NLGN4X: variants seen among roughly 807,000 people sequenced by gnomAD.
The protein encoded by NLGN4X is neuroligin 4 X-linked, also known as neuroligin-4, X-linked.
In NLGN4X, 3 loss-of-function variants were observed where a neutral mutation model predicts 40.3. The observed-to-expected ratio is 0.07, with a 90% CI of 0.03 to 0.19. NLGN4X has a LOEUF of 0.19. Ranked by LOEUF, NLGN4X falls within the 10% of genes least tolerant of loss-of-function variation. The pLI is 1.00. For synonymous variants in NLGN4X, 270 were observed against 306.8 expected (o/e 0.88, Z 1.25); for missense variants, 382 against 708.3 (o/e 0.54, Z 5.23).
intron 2 of NLGN4X, among the ~76,000 whole-genome samples, chrX:6,102,671 CATAG>C (rs1193319250): frequency 9.1e-6 from 1 of 109,901 alleles, no homozygotes; most frequent in Non-Finnish European, 1.9e-5. Flanking sequence ...TACATACATA[CATAG>C]ACAGATAGAT....
intron 4 of NLGN4X, among the ~76,000 whole-genome samples, chrX:5,908,347 T>C (rs937099157): frequency 2.7e-5 from 3 of 110,888 alleles, no homozygotes; most frequent in Non-Finnish European, 5.7e-5. Flanking sequence ...AAAGAATTAA[T>C]ATGAATTAGA....
At chrX:6,164,382 G>A (rs1290886912) in intron 1 of NLGN4X, among the ~76,000 whole-genome samples, 1 of 112,317 alleles carries the variant, frequency 8.9e-6, no homozygotes, top group Non-Finnish European at 1.9e-5. Context: ...GAAGCTGAGT[G>A]AGTTCTTCTA....
At chrX:5,973,081 G>GA (rs1290990764) in intron 3 of NLGN4X, among the ~76,000 whole-genome samples, 3 of 112,123 alleles carry the variant, frequency 2.7e-5, no homozygotes, top group Non-Finnish European at 3.8e-5. Flanking sequence ...TAATTAACAG[G>GA]AAAAAAATAC....
chrX:5,919,551 G>A (rs1046008848), intron 3 of NLGN4X, among the ~76,000 whole-genome samples: 4 of 111,316 alleles, frequency 3.6e-5, no homozygotes, highest in African/African-American at 6.5e-5. Flanking sequence ...GTGGGCAAGC[G>A]AGGGAAGCTT....
chrX:5,965,695 T>A (rs1243055109), intron 3 of NLGN4X, among the ~76,000 whole-genome samples: 1 of 111,908 alleles, frequency 8.9e-6, no homozygotes, highest in Non-Finnish European at 1.9e-5. Flanking sequence ...GATAGGCATA[T>A]TCTCATTGGA....
At chrX:6,062,953 G>A (rs1448784107) in intron 2 of NLGN4X, among the ~76,000 whole-genome samples, 1 of 110,872 alleles carries the variant, frequency 9.0e-6, no homozygotes, top group Non-Finnish European at 1.9e-5. Context: ...GAACAGGGAT[G>A]TTCCTACCCC....
At chrX:5,918,579 G>T (rs1339360423) in intron 3 of NLGN4X, among the ~76,000 whole-genome samples, 1 of 112,311 alleles carries the variant, frequency 8.9e-6, no homozygotes, top group Non-Finnish European at 1.9e-5. Flanking sequence ...TGTACCTTAA[G>T]CTACACACTA....
chrX:5,926,712 T>C (rs2033331733), intron 3 of NLGN4X, among the ~76,000 whole-genome samples: 1 of 109,320 alleles, frequency 9.1e-6, no homozygotes, highest in African/African-American at 3.3e-5. Context: ...GTTTTTATTG[T>C]TTCTTTGTTT....
At chrX:6,227,700 C>G (rs1425012589) in intron 1 of NLGN4X, 1 of 111,360 alleles carries the variant, frequency 9.0e-6, no homozygotes, top group Admixed American at 9.5e-5. Context: ...GTCATTTCAT[C>G]TTCACGCGGG....
rs189555334 is a variant in NLGN4X at position 5,890,975 on chromosome X, G to T, written c.*1842C>A. The T allele has an allele frequency of 9.5e-4, 291 of 307,350 alleles. No homozygotes were observed. Among genetic ancestry groups the T allele is most frequent in the Middle Eastern group, 6.5e-3 (6 of 922 alleles). 25.3% of individuals were successfully genotyped at this position (307,350 alleles called of 1,213,427 possible). On this transcript the variant is annotated 3_prime_UTR_variant, in exon 6 of 6. Transcript: ENST00000381095. ...TATGGGGAATGTCCACTTTAGCGGA[G>T]AGATTTAAGACTGGATTTCTAGAAT...
At chrX:6,209,505 C>T (rs147633465) in intron 1 of NLGN4X, among the ~76,000 whole-genome samples, 294 of 111,769 alleles carry the variant, frequency 2.6e-3, no homozygotes, top group Non-Finnish European at 4.5e-3. Context: ...CCAGCCTCAA[C>T]GTCAAGAGCA....
chrX:5,890,762 G>A lies in NLGN4X; in HGVS notation c.*2055C>T. ...ATAATATTTCACATATTTATATACAGAGAATCACTCTCAAATTTAACCCAA... is the reference window on the plus strand; with the variant it reads ...ATAATATTTCACATATTTATATACAAAGAATCACTCTCAAATTTAACCCAA... On this transcript the variant is annotated 3_prime_UTR_variant, in exon 6 of 6. Transcript: ENST00000381095. 1 of 299,937 alleles carries A rather than the reference G, an allele frequency of 3.3e-6. No homozygotes were observed. The highest frequency in any genetic ancestry group is 6.3e-6 in the Non-Finnish European group (1 of 157,897). The allele number at this position is 299,937 out of a possible 1,213,427, so 24.7% of individuals were successfully genotyped here.
At chrX:6,026,718 G>C (rs2036704775) in intron 3 of NLGN4X, among the ~76,000 whole-genome samples, 2 of 111,661 alleles carry the variant, frequency 1.8e-5, no homozygotes, top group South Asian at 3.7e-4. Flanking sequence ...GACCGGCATA[G>C]AGATGCTAAA....
chrX:6,082,961 T>TTG (rs2038398412), intron 2 of NLGN4X, among the ~76,000 whole-genome samples: 1 of 86,261 alleles, frequency 1.2e-5, no homozygotes, highest in Non-Finnish European at 2.3e-5. Context: ...TTTTTCTTTT[T>TTG]TTTTTTTTTT....
chrX:5,903,970 T>A, intron 4 of NLGN4X, 104 bp from the exon 5 acceptor site: 2 of 1,024,462 alleles, frequency 2.0e-6, no homozygotes, highest in Non-Finnish European at 2.7e-6. Context: ...CATGTGAGTT[T>A]CTGGATGTAG....
intron 3 of NLGN4X, among the ~76,000 whole-genome samples, chrX:5,979,457 C>A (rs139204521): frequency 0.018 from 1,989 of 110,599 alleles, 49 homozygotes; most frequent in African/African-American, 0.061. Context: ...TATCACTTCC[C>A]CACCAGCAGC....
chrX:6,003,666 CTT>C (rs1320893300), intron 3 of NLGN4X, among the ~76,000 whole-genome samples: 1 of 111,649 alleles, frequency 9.0e-6, no homozygotes, highest in Non-Finnish European at 1.9e-5. Context: ...TACAGGAAAA[CTT>C]ATTTCTCTTT....
intron 3 of NLGN4X, among the ~76,000 whole-genome samples, chrX:6,027,821 TA>T (rs1243005712): frequency 4.3e-3 from 345 of 79,597 alleles, no homozygotes; most frequent in African/African-American, 0.012. Context: ...GTATTATTAT[TA>T]TTTTTTTTTT....
At chrX:5,935,878 G>A (rs969193451) in intron 3 of NLGN4X, among the ~76,000 whole-genome samples, 4 of 111,803 alleles carry the variant, frequency 3.6e-5, no homozygotes, top group African/African-American at 6.5e-5. Context: ...AAAGCAGAGC[G>A]AACAATATAT....
Sources: gnomAD v4.1 joint callset for allele counts (sites outside exome capture counted in the v4.1 genomes callset) on GRCh38, gnomAD v4.1.1 for gene constraint, MANE v1.5 for transcripts, NCBI Gene and HGNC (gene_info 2026-07-23, HGNC 2026-07-21) for gene names.